SYT1: variants seen among roughly 807,000 people sequenced by gnomAD.
SYT1 encodes the protein synaptotagmin-1.
In SYT1, 8 loss-of-function variants were observed where a neutral mutation model predicts 44.8. That is an observed-to-expected ratio of 0.18 (90% CI 0.10 to 0.32). The LOEUF is 0.32. Ranked by LOEUF, SYT1 falls within the 10% of genes least tolerant of loss-of-function variation. SYT1 has a pLI of 1.00. For missense variants in SYT1, 286 were observed against 509.3 expected, an observed-to-expected ratio of 0.56 and a Z score of 4.22; for synonymous variants, 154 against 188.8, an observed-to-expected ratio of 0.82 and a Z score of 1.51.
intron 3 of SYT1, among the ~76,000 whole-genome samples, chr12:79,052,949 T>C (rs375069825): frequency 3.3e-5 from 5 of 152,110 alleles, no homozygotes; most frequent in Non-Finnish European, 5.9e-5. Flanking sequence ...GTCAGTGTGG[T>C]GATTCCTCAG....
chr12:78,979,724 G>A (rs1335875940), intron 2 of SYT1, among the ~76,000 whole-genome samples: 1 of 151,850 alleles, frequency 6.6e-6, no homozygotes, highest in Admixed American at 6.6e-5. Context: ...TTAATATTTA[G>A]TGTTAATTAA....
chr12:79,352,427 T>C (rs1361421836), intron 8 of SYT1, among the ~76,000 whole-genome samples: 6 of 152,166 alleles, frequency 3.9e-5, no homozygotes, highest in Non-Finnish European at 7.4e-5. Flanking sequence ...TTGCCTTCTG[T>C]AGAATCAGAA....
At position 79,334,009 on chromosome 12, in the gene SYT1, C is replaced by CA. The variant is rs199794445; in HGVS notation, c.811-19489dup. ...CTCCCCTTCTGGAAACATTGATACC[C>CA]AAAATCCTACTTTATATTTTTACCT... On this transcript the variant is annotated intron_variant, in intron 8 of 10. Coordinates refer to ENST00000261205, the MANE Select transcript of SYT1 (RefSeq NM_005639.3). Among the ~76,000 whole-genome samples, 1,497 of 152,256 alleles carry CA rather than the reference C, an allele frequency of 9.8e-3. 18 individuals carry two copies. The highest frequency in any genetic ancestry group is 0.034 in the African/African-American group (1,426 of 41,546).
chr12:79,102,685 C>A (rs539388322), intron 3 of SYT1, among the ~76,000 whole-genome samples: 1 of 152,134 alleles, frequency 6.6e-6, no homozygotes. Flanking sequence ...GCAAATACTG[C>A]GTGTGCAACT....
chr12:79,052,154 C>G (rs931454210), intron 3 of SYT1, among the ~76,000 whole-genome samples: 1 of 152,068 alleles, frequency 6.6e-6, no homozygotes, highest in African/African-American at 2.4e-5. Flanking sequence ...TTCTTCCTAC[C>G]CACGAGCATG....
intron 2 of SYT1, among the ~76,000 whole-genome samples, chr12:79,017,254 T>G (rs1245434638): frequency 1.3e-5 from 2 of 152,140 alleles, no homozygotes; most frequent in East Asian, 3.9e-4. Context: ...CATTTTATAC[T>G]TACTTGTATT....
intron 2 of SYT1, among the ~76,000 whole-genome samples, chr12:79,017,539 G>A (rs945357828): frequency 5.9e-5 from 9 of 152,208 alleles, no homozygotes; most frequent in Admixed American, 3.9e-4. Context: ...AGATGAGGAG[G>A]GGGTTGTGAG....
chr12:79,271,259 A>G (rs1222717433), intron 4 of SYT1, among the ~76,000 whole-genome samples: 1 of 152,212 alleles, frequency 6.6e-6, no homozygotes, highest in African/African-American at 2.4e-5. Flanking sequence ...CCTTAAGTAA[A>G]TAATTTTTTA....
At chr12:78,978,418 T>C (rs1287596433) in intron 2 of SYT1, among the ~76,000 whole-genome samples, 1 of 152,206 alleles carries the variant, frequency 6.6e-6, no homozygotes, top group Non-Finnish European at 1.5e-5. Context: ...CCTTGTACCA[T>C]GCTGTGTCTC....
chr12:79,115,275 A>G (rs1478506005), intron 3 of SYT1, among the ~76,000 whole-genome samples: 1 of 152,178 alleles, frequency 6.6e-6, no homozygotes. Context: ...AATTCCAGGA[A>G]ACTATCTAAA....
At chr12:79,224,096 C>T (rs1526966) in intron 4 of SYT1, among the ~76,000 whole-genome samples, 109,684 of 152,010 alleles carry the variant, frequency 0.72, 40,252 homozygotes, top group African/African-American at 0.82. Context: ...GCATGGATAG[C>T]TGTTCAAACT....
chr12:79,018,172 T>C (rs1003613700), intron 2 of SYT1, among the ~76,000 whole-genome samples: 1 of 151,568 alleles, frequency 6.6e-6, no homozygotes, highest in African/African-American at 2.4e-5. Context: ...CCATAAAAAA[T>C]GATGAGTTCA....
chr12:79,443,945 A>G, intron 9 of SYT1, 128 bp from the exon 10 acceptor site: 1 of 1,016,478 alleles, frequency 9.8e-7, no homozygotes. Context: ...AAAGTATTGA[A>G]TTTAAAAAAT....
intron 1 of SYT1, among the ~76,000 whole-genome samples, chr12:78,920,023 AT>A (rs11459778): frequency 2.7e-5 from 4 of 150,644 alleles, no homozygotes; most frequent in South Asian, 4.2e-4. Context: ...TCATTGGGCT[AT>A]TTTTTTTTCA....
chr12:78,867,074 T>C (rs1592505701), intron 1 of SYT1, among the ~76,000 whole-genome samples: 1 of 138,366 alleles, frequency 7.2e-6, no homozygotes, highest in African/African-American at 2.7e-5. Context: ...AAAAAAAAAA[T>C]AGTGTCTCTG....
In SYT1 at chr12:79,005,222, A is replaced by AATT. The variant is rs1592653367; in HGVS notation, c.-84+27293_-84+27294insTAT. 1.8e-4 allele frequency among the ~76,000 whole-genome samples: 28 copies of AATT among 152,140 alleles called. No homozygotes were observed. The East Asian group carries it at 5.4e-3, about 29-fold the overall frequency. On this transcript the variant is annotated intron_variant, in intron 2 of 10. Transcript: ENST00000261205. ...CCATAGACTTTAGAAAGAGAGTATT[A>AATT]ATGAGCTCATAATATATCTGAACCT...
intron 8 of SYT1, among the ~76,000 whole-genome samples, chr12:79,314,124 G>A (rs564778358): frequency 5.1e-5 from 7 of 137,864 alleles, no homozygotes; most frequent in East Asian, 2.1e-4. Context: ...AGCCGAGATC[G>A]CGCCACTGCA....
At position 79,151,103 on chromosome 12, in the gene SYT1, C is replaced by T. The variant is rs118068990; in HGVS notation, c.-17-66400C>T. On this transcript the variant is annotated intron_variant, in intron 3 of 10. Transcript: ENST00000261205. ...TGGCTTCACCTCAGAGTCCTGTGTC[C>T]CAATGACAGAATGAAGAAAAGGGAA... Among the ~76,000 whole-genome samples the T allele has an allele frequency of 7.7e-3, 1,173 of 152,130 alleles. 10 individuals carry two copies. Among genetic ancestry groups the T allele is most frequent in the South Asian group, 0.038 (184 of 4,802 alleles).
intron 2 of SYT1, among the ~76,000 whole-genome samples, chr12:79,019,079 T>C (rs1440117201): frequency 6.6e-6 from 1 of 152,054 alleles, no homozygotes; most frequent in African/African-American, 2.4e-5. Context: ...TTTATATTTC[T>C]TTATATCTTG....
Sources: gnomAD v4.1 joint callset for allele counts (sites outside exome capture counted in the v4.1 genomes callset) on GRCh38, gnomAD v4.1.1 for gene constraint, MANE v1.5 for transcripts, NCBI Gene and HGNC (gene_info 2026-07-23, HGNC 2026-07-21) for gene names.